NOL4: variants seen among roughly 807,000 people sequenced by gnomAD.
NOL4 encodes nucleolar protein 4, also known as cancer/testis antigen 125.
In NOL4, 17 loss-of-function variants were observed where a neutral mutation model predicts 75.9. That is an observed-to-expected ratio of 0.22 (90% CI 0.15 to 0.34). The LOEUF is 0.34. Ranked by LOEUF, NOL4 falls within the 10% of genes least tolerant of loss-of-function variation. NOL4 has a pLI of 1.00. For synonymous variants in NOL4, 292 were observed against 289.9 expected (o/e 1.01, Z -0.07); for missense variants, 614 against 793.5 (o/e 0.77, Z 2.72).
At chr18:33,921,625 G>A (rs1568065654) in intron 9 of NOL4, among the ~76,000 whole-genome samples, 2 of 152,170 alleles carry the variant, frequency 1.3e-5, no homozygotes, top group Admixed American at 1.3e-4. Context: ...ACCAAGGAAT[G>A]TCTGGGCTAC....
chr18:34,112,167 G>A (rs970438617), intron 2 of NOL4, among the ~76,000 whole-genome samples: 2 of 152,036 alleles, frequency 1.3e-5, no homozygotes, highest in Non-Finnish European at 2.9e-5. Context: ...TCAGGAGTTC[G>A]AGACCAGCCT....
chr18:33,924,000 T>G (rs1292557571), intron 9 of NOL4, among the ~76,000 whole-genome samples: 2 of 152,142 alleles, frequency 1.3e-5, no homozygotes, highest in Admixed American at 1.3e-4. Context: ...AAATGAGTAC[T>G]TAAAAATTAG....
intron 1 of NOL4, among the ~76,000 whole-genome samples, chr18:34,195,500 G>A (rs1434308849): frequency 2.6e-5 from 4 of 151,986 alleles, no homozygotes; most frequent in Admixed American, 1.3e-4. Flanking sequence ...TTATTAGTAC[G>A]AAATACTGAA....
chr18:33,907,902 T>C (rs2066162670), intron 9 of NOL4, among the ~76,000 whole-genome samples: 1 of 152,212 alleles, frequency 6.6e-6, no homozygotes, highest in Non-Finnish European at 1.5e-5. Flanking sequence ...TAGGTGTTAA[T>C]GCTGTTTTGA....
chr18:33,943,173 T>A lies in NOL4; in HGVS notation c.1434A>T (p.Arg478=). Residue 478 remains arginine, a synonymous_variant, in exon 9 of 11, where the codon CGA becomes CGT. Transcript: ENST00000261592. ...CTGAAGTAAGGTGGGAAGGAATAGG[T>A]CGAGACTAAAAAAAAAAAGAGAAAA... ...RMKRSGFEMS[R]PIPSHLTSAV... is the part of the protein sequence containing the mutation. 1 of 1,603,246 alleles carries A rather than the reference T, an allele frequency of 6.2e-7. No homozygotes were observed.
intron 6 of NOL4, among the ~76,000 whole-genome samples, chr18:33,973,137 T>C (rs544849624): frequency 6.6e-6 from 1 of 152,374 alleles, no homozygotes; most frequent in African/African-American, 2.4e-5. Flanking sequence ...TAAGCTTATG[T>C]AATATTCTAA....
rs527500212 is a variant in NOL4, at chr18:33,891,185, T to C, written c.1543-7761A>G. Among the ~76,000 whole-genome samples the C allele has an allele frequency of 3.3e-5, 5 of 152,148 alleles. No individual in the cohort carries two copies. The South Asian group carries it at 1.0e-3, about 32-fold the overall frequency. ...AAGAGATGAACCTGTGATGCTCACATGGATTAATTTTTCTCATGCATACAA... is the reference window on the plus strand; with the variant it reads ...AAGAGATGAACCTGTGATGCTCACACGGATTAATTTTTCTCATGCATACAA... On this transcript the variant is annotated intron_variant, in intron 9 of 10. Coordinates refer to ENST00000261592, the MANE Select transcript of NOL4 (RefSeq NM_003787.5).
intron 5 of NOL4, among the ~76,000 whole-genome samples, chr18:34,035,778 A>G (rs1221982106): frequency 6.6e-6 from 1 of 152,106 alleles, no homozygotes; most frequent in Non-Finnish European, 1.5e-5. Flanking sequence ...AAAAAATCAG[A>G]AATGAAAATG....
At chr18:33,954,278 T>C (rs1056155153) in intron 8 of NOL4, among the ~76,000 whole-genome samples, 5 of 152,250 alleles carry the variant, frequency 3.3e-5, no homozygotes, top group African/African-American at 1.2e-4. Context: ...ACAGGCACAA[T>C]CCCCTTATTT....
At chr18:33,931,867 T>G (rs1480214754) in intron 9 of NOL4, among the ~76,000 whole-genome samples, 2 of 152,084 alleles carry the variant, frequency 1.3e-5, no homozygotes, top group Non-Finnish European at 2.9e-5. Flanking sequence ...TTTTTAAATA[T>G]ATATATTTAA....
At chr18:34,216,416 A>G (rs954905736) in intron 1 of NOL4, among the ~76,000 whole-genome samples, 4 of 152,100 alleles carry the variant, frequency 2.6e-5, no homozygotes, top group African/African-American at 9.7e-5. Context: ...TTCAAAGAAT[A>G]GAGTGCATGG....
intron 6 of NOL4, among the ~76,000 whole-genome samples, chr18:33,974,639 G>A (rs531987817): frequency 5.9e-5 from 9 of 152,222 alleles, no homozygotes; most frequent in South Asian, 4.2e-4. Flanking sequence ...TAATGAAAAA[G>A]TTTATTACAT....
chr18:33,863,777 A>G (rs1463338879), intron 10 of NOL4, among the ~76,000 whole-genome samples: 1 of 151,586 alleles, frequency 6.6e-6, no homozygotes, highest in African/African-American at 2.4e-5. Flanking sequence ...TCCAGTGGGG[A>G]CTCCATGTGA....
chr18:34,004,963 T>C (rs1222415802), intron 6 of NOL4, among the ~76,000 whole-genome samples: 1 of 152,106 alleles, frequency 6.6e-6, no homozygotes, highest in East Asian at 1.9e-4. Flanking sequence ...GCTTTTTCCA[T>C]TTCTGCACTT....
intron 9 of NOL4, among the ~76,000 whole-genome samples, chr18:33,906,134 C>T (rs528198321): frequency 6.6e-6 from 1 of 152,236 alleles, no homozygotes; most frequent in African/African-American, 2.4e-5. Flanking sequence ...AATAACAGTT[C>T]CTTATGAAAA....
chr18:34,007,855 G>T (rs2074126246), intron 6 of NOL4, among the ~76,000 whole-genome samples: 1 of 151,900 alleles, frequency 6.6e-6, no homozygotes, highest in African/African-American at 2.4e-5. Context: ...ATTCAGTATG[G>T]TTTAAGAAGT....
intron 4 of NOL4, among the ~76,000 whole-genome samples, chr18:34,096,589 C>T (rs191542677): frequency 2.0e-4 from 31 of 152,144 alleles, no homozygotes; most frequent in African/African-American, 7.0e-4. Context: ...ATGATTATCT[C>T]TAGACCATTC....
At chr18:34,146,191 C>T (rs2146040812) in intron 1 of NOL4, among the ~76,000 whole-genome samples, 1 of 152,128 alleles carries the variant, frequency 6.6e-6, no homozygotes, top group African/African-American at 2.4e-5. Flanking sequence ...TACTGACTAG[C>T]CATTTATTCA....
intron 10 of NOL4, among the ~76,000 whole-genome samples, chr18:33,880,738 G>A (rs1184719224): frequency 2.6e-5 from 4 of 151,886 alleles, no homozygotes; most frequent in African/African-American, 7.2e-5. Flanking sequence ...CTTTGAACAC[G>A]GAAATAATGT....
Sources: gnomAD v4.1 joint callset for allele counts (sites outside exome capture counted in the v4.1 genomes callset) on GRCh38, gnomAD v4.1.1 for gene constraint, MANE v1.5 for transcripts, NCBI Gene and HGNC (gene_info 2026-07-23, HGNC 2026-07-21) for gene names.